The following EYS variants were observed in gnomAD, a reference collection of about 807,000 sequenced individuals.
The protein encoded by EYS is EGF-like photoreceptor maintenance factor.
In EYS, 250 loss-of-function variants were observed where a neutral mutation model predicts 282.1. That is an observed-to-expected ratio of 0.89 (90% CI 0.80 to 0.98). The LOEUF is 0.98. Among genes scored for constraint, EYS ranks in the 50% least tolerant of loss-of-function variants. EYS has a pLI of 0.00. For synonymous variants in EYS, 1,355 were observed against 1,282.9 expected (o/e 1.06, Z -1.20); for missense variants, 4,016 against 3,709.0 (o/e 1.08, Z -2.15).
chr6:63,915,679 G>A (rs1371204071), intron 35 of EYS, among the ~76,000 whole-genome samples: 1 of 152,150 alleles, frequency 6.6e-6, no homozygotes, highest in Non-Finnish European at 1.5e-5. Flanking sequence ...CATGGGAGGT[G>A]GTCAGAATAG....
chr6:64,194,881 G>A lies in EYS; in HGVS notation c.6424+35711C>T, dbSNP rs530589419. Among the ~76,000 whole-genome samples, 20 of 152,234 alleles carry A rather than the reference G, an allele frequency of 1.3e-4. 1 individual carries two copies. In the South Asian group the frequency reaches 4.1e-3, roughly 32 times the overall value. On this transcript the variant is annotated intron_variant, in intron 31 of 42. Transcript: ENST00000503581. ...ACTTGATAATAGAGACCTTAAGTCT[G>A]TGCAAGAGTTTGGAAGTTGTACACT...
chr6:64,993,872 C>T (rs1771160702), intron 14 of EYS, among the ~76,000 whole-genome samples: 1 of 149,810 alleles, frequency 6.7e-6, no homozygotes, highest in African/African-American at 2.4e-5. Flanking sequence ...AAAGTTAAAC[C>T]TGTAGTATAC....
chr6:65,281,210 C>T (rs549968622), intron 12 of EYS, among the ~76,000 whole-genome samples: 44 of 151,756 alleles, frequency 2.9e-4, no homozygotes, highest in African/African-American at 9.9e-4. Context: ...TTAACAATCA[C>T]TTATATTTTG....
intron 26 of EYS, among the ~76,000 whole-genome samples, chr6:64,559,136 A>G (rs1421108159): frequency 6.6e-6 from 1 of 152,038 alleles, no homozygotes; most frequent in Non-Finnish European, 1.5e-5. Context: ...ATTTTTGCAA[A>G]CCTTTTCTCT....
At chr6:65,214,344 G>A (rs1766259582) in intron 12 of EYS, among the ~76,000 whole-genome samples, 1 of 152,084 alleles carries the variant, frequency 6.6e-6, no homozygotes. Context: ...CTGATATGGA[G>A]AAAGTTTTTA....
At chr6:63,770,261 C>G (rs1377355746) in intron 40 of EYS, among the ~76,000 whole-genome samples, 1 of 152,000 alleles carries the variant, frequency 6.6e-6, no homozygotes, top group Admixed American at 6.6e-5. Context: ...ATAATCTCTG[C>G]TTAGCCTACT....
At chr6:64,052,156 A>T (rs1384124461) in intron 33 of EYS, among the ~76,000 whole-genome samples, 1 of 152,194 alleles carries the variant, frequency 6.6e-6, no homozygotes, top group African/African-American at 2.4e-5. Flanking sequence ...GACCATTAAA[A>T]TAGTATAGAA....
intron 1 of EYS, among the ~76,000 whole-genome samples, chr6:65,693,198 C>G (rs1361482185): frequency 6.7e-6 from 1 of 149,372 alleles, no homozygotes; most frequent in Non-Finnish European, 1.5e-5. Flanking sequence ...TCTCTCCAGC[C>G]TTACTTCTGT....
intron 35 of EYS, among the ~76,000 whole-genome samples, chr6:63,868,934 G>A (rs1409488233): frequency 6.6e-6 from 1 of 152,126 alleles, no homozygotes; most frequent in Non-Finnish European, 1.5e-5. Flanking sequence ...GTTATTTTGT[G>A]CTGTAAGGCA....
rs140701077 is a variant in EYS, at chr6:64,689,850, G to A, written c.3444-63605C>T. 6.1e-3 allele frequency among the ~76,000 whole-genome samples: 931 copies of A among 152,200 alleles called. 7 individuals are homozygous for A. The highest frequency in any genetic ancestry group is 0.011 in the Non-Finnish European group (740 of 68,000). On this transcript the variant is annotated intron_variant, in intron 22 of 42. Coordinates refer to ENST00000503581, the MANE Select transcript of EYS (RefSeq NM_001142800.2). ...TTCAAGATGGATTAAAGACCTAAAT[G>A]TTAGACCTAAAACCATAAAAACGCT...
At position 65,620,499 on chromosome 6, in the gene EYS, A is replaced by C. The variant is rs544496257; in HGVS notation, c.-333+19279T>G. 2.0e-5 allele frequency among the ~76,000 whole-genome samples: 3 copies of C among 151,256 alleles called. No homozygotes were observed. The East Asian group carries it at 5.8e-4, about 29-fold the overall frequency. ...TCAATTTTGTTGATCGTTTCAAAAAACCAGCTCCTGGATTCGTTAATTTTT... is the reference window on the plus strand; with the variant it reads ...TCAATTTTGTTGATCGTTTCAAAAACCCAGCTCCTGGATTCGTTAATTTTT... On this transcript the variant is annotated intron_variant, in intron 2 of 42. Transcript: ENST00000503581.
intron 31 of EYS, among the ~76,000 whole-genome samples, chr6:64,151,363 A>ATATATATATAT (rs1491135650): frequency 3.3e-4 from 21 of 62,810 alleles, no homozygotes; most frequent in African/African-American, 7.8e-4. Flanking sequence ...ATATATATAT[A>ATATATATATAT]ATTTTTTTTT....
intron 30 of EYS, among the ~76,000 whole-genome samples, chr6:64,256,244 C>T (rs1386958607): frequency 6.6e-6 from 1 of 151,996 alleles, no homozygotes; most frequent in Non-Finnish European, 1.5e-5. Context: ...TTTTTTCCTT[C>T]ATACATGTAG....
At chr6:65,289,902 C>T (rs1768476554) in intron 12 of EYS, among the ~76,000 whole-genome samples, 2 of 150,938 alleles carry the variant, frequency 1.3e-5, no homozygotes, top group South Asian at 4.2e-4. Flanking sequence ...TAATCATGTT[C>T]TTTATTAATG....
At chr6:64,159,477 G>A (rs1775033856) in intron 31 of EYS, among the ~76,000 whole-genome samples, 1 of 149,626 alleles carries the variant, frequency 6.7e-6, no homozygotes, top group Non-Finnish European at 1.5e-5. Flanking sequence ...GGACAATGGC[G>A]TGAACCCGGG....
intron 41 of EYS, among the ~76,000 whole-genome samples, chr6:63,746,775 C>A (rs186847954): frequency 6.6e-6 from 1 of 152,050 alleles, no homozygotes; most frequent in Admixed American, 6.5e-5. Flanking sequence ...TGGTGATATC[C>A]CCTTTATCAT....
At chr6:65,111,132 G>T (rs576503497) in intron 12 of EYS, among the ~76,000 whole-genome samples, 35 of 151,978 alleles carry the variant, frequency 2.3e-4, no homozygotes, top group Admixed American at 4.6e-4. Flanking sequence ...TTAAAAAAAA[G>T]AAGACATTTT....
intron 30 of EYS, among the ~76,000 whole-genome samples, chr6:64,294,591 G>A (rs1212697279): frequency 1.3e-5 from 2 of 152,052 alleles, no homozygotes; most frequent in African/African-American, 2.4e-5. Context: ...TCAAGTAAAC[G>A]GAGCCACCAG....
intron 29 of EYS, among the ~76,000 whole-genome samples, chr6:64,324,416 T>A (rs892010405): frequency 5.3e-5 from 8 of 152,192 alleles, no homozygotes; most frequent in Admixed American, 3.9e-4. Flanking sequence ...TAAAAAAGTT[T>A]CTCATAAAAG....
Sources: allele counts gnomAD v4.1 joint callset (sites outside exome capture counted in the v4.1 genomes callset), GRCh38; gene constraint gnomAD v4.1.1; transcripts MANE v1.5; gene names NCBI Gene and HGNC (gene_info 2026-07-23, HGNC 2026-07-21).